ENPP3: variants seen among roughly 807,000 people sequenced by gnomAD.
ENPP3 encodes ectonucleotide pyrophosphatase/phosphodiesterase 3.
A neutral mutation model predicts 117.8 loss-of-function variants in ENPP3; 104 were observed. The observed-to-expected ratio is 0.88, with a 90% CI of 0.75 to 1.04. The LOEUF is 1.04. ENPP3 is among the 50% of genes least tolerant of loss of function. The pLI is 0.00. For synonymous variants in ENPP3, 380 were observed against 349.9 expected (o/e 1.09, Z -0.96); for missense variants, 1,026 against 1,051.9 (o/e 0.98, Z 0.34).
At chr6:131,688,118 C>G (rs1376142273) in intron 14 of ENPP3, among the ~76,000 whole-genome samples, 3 of 152,096 alleles carry the variant, frequency 2.0e-5, no homozygotes, top group Non-Finnish European at 4.4e-5. Context: ...TATATGTGCT[C>G]TGGTGATATG....
chr6:131,651,808 TTC>T (rs1272044825), intron 3 of ENPP3, among the ~76,000 whole-genome samples: 1 of 152,170 alleles, frequency 6.6e-6, no homozygotes, highest in African/African-American at 2.4e-5. Flanking sequence ...TCCAAAAATC[TTC>T]TGTTTCTATG....
At chr6:131,734,272 T>TTTGTTG (rs956264655) in intron 21 of ENPP3, among the ~76,000 whole-genome samples, 15 of 152,032 alleles carry the variant, frequency 9.9e-5, no homozygotes, top group African/African-American at 2.7e-4. Flanking sequence ...AATTTAAGTT[T>TTTGTTG]TTGTTGTTGT....
chr6:131,640,803 A>G (rs1281773156), intron 1 of ENPP3, among the ~76,000 whole-genome samples: 2 of 152,178 alleles, frequency 1.3e-5, no homozygotes, highest in East Asian at 1.9e-4. Context: ...TAATTATATC[A>G]TAGTTTAATC....
chr6:131,648,229 G>T (rs1232936917), intron 2 of ENPP3, among the ~76,000 whole-genome samples: 1 of 151,366 alleles, frequency 6.6e-6, no homozygotes, highest in Non-Finnish European at 1.5e-5. Context: ...GAATTCAGGA[G>T]ATCTAATGCT....
Position 131,718,733 on chromosome 6 carries a change from A to G in ENPP3, c.1474A>G (p.Met492Val), listed in dbSNP as rs1779951091. 1.9e-6 allele frequency: 3 copies of G among 1,595,148 alleles called. No homozygotes were observed. Among genetic ancestry groups the G allele is most frequent in the Non-Finnish European group, 2.6e-6 (3 of 1,168,172 alleles). The change falls in exon 16 of 25, where the codon ATG becomes GTG. Residue 492 changes from methionine to valine, a missense_variant. Coordinates refer to ENST00000357639, the MANE Select transcript of ENPP3 (RefSeq NM_005021.5). ...TGGTTATAACAATGAGTTTAGGAGC[A>G]TGGAGGTAACTTACTGCTTTTTTTT... Reference protein sequence around the residue: ...NHGYNNEFRSMEAIFLAHGPS... With the variant: ...NHGYNNEFRSVEAIFLAHGPS...
chr6:131,649,245 C>T (rs1778212605), intron 2 of ENPP3, among the ~76,000 whole-genome samples: 1 of 152,074 alleles, frequency 6.6e-6, no homozygotes. Flanking sequence ...TCCAGAGTGA[C>T]TTTCTAAAAC....
intron 2 of ENPP3, among the ~76,000 whole-genome samples, chr6:131,645,927 C>CT (rs1778144204): frequency 6.6e-6 from 1 of 152,122 alleles, no homozygotes; most frequent in Non-Finnish European, 1.5e-5. Flanking sequence ...CTCTTCAATT[C>CT]TGGGAAATTT....
chr6:131,671,117 C>T, intron 6 of ENPP3, 131 bp from the exon 7 acceptor site: 1 of 643,576 alleles, frequency 1.6e-6, no homozygotes, highest in Non-Finnish European at 2.8e-6. Context: ...GAATTTCAAC[C>T]TCTTTCCATC....
intron 11 of ENPP3, among the ~76,000 whole-genome samples, chr6:131,679,019 T>TC (rs1562446828): frequency 3.9e-5 from 4 of 102,202 alleles, no homozygotes; most frequent in South Asian, 3.3e-4. Flanking sequence ...CCTTCCTTCC[T>TC]TCCTTCCTTC....
At chr6:131,742,593 T>A (rs1780550215) in intron 24 of ENPP3, among the ~76,000 whole-genome samples, 4 of 152,124 alleles carry the variant, frequency 2.6e-5, no homozygotes, top group Admixed American at 2.6e-4. Flanking sequence ...CTTCTGATTA[T>A]CCTGAACAAC....
chr6:131,693,011 T>C (rs1017877296), intron 14 of ENPP3, among the ~76,000 whole-genome samples: 1 of 144,200 alleles, frequency 6.9e-6, no homozygotes, highest in African/African-American at 2.5e-5. Flanking sequence ...TTATATATAA[T>C]ATATATGGTT....
chr6:131,735,967 A>G (rs904917999), intron 21 of ENPP3, among the ~76,000 whole-genome samples: 1 of 152,244 alleles, frequency 6.6e-6, no homozygotes, highest in African/African-American at 2.4e-5. Context: ...AGTAGATTTC[A>G]TGTTAAGTGT....
intron 21 of ENPP3, among the ~76,000 whole-genome samples, chr6:131,735,674 G>A (rs1780381574): frequency 6.6e-6 from 1 of 152,104 alleles, no homozygotes; most frequent in African/African-American, 2.4e-5. Context: ...TCATATAAGT[G>A]GAATTGTGCA....
At chr6:131,663,980 C>G (rs1778563133) in intron 6 of ENPP3, among the ~76,000 whole-genome samples, 1 of 152,140 alleles carries the variant, frequency 6.6e-6, no homozygotes, top group Non-Finnish European at 1.5e-5. Context: ...ATCCTCCCAC[C>G]TTGGCCTTCC....
At chr6:131,677,752 G>T in intron 10 of ENPP3, 116 bp from the exon 11 acceptor site, 2 of 659,442 alleles carry the variant, frequency 3.0e-6, no homozygotes, top group Non-Finnish European at 5.4e-6. Context: ...GGAGGAGGAG[G>T]TTAGAGAGAA....
In ENPP3 at chr6:131,683,055, T is replaced by C. The variant is rs772636361; in HGVS notation, c.1013T>C (p.Val338Ala). The change falls in exon 12 of 25, where the codon GTA (valine) becomes GCA (alanine). Residue 338 changes from valine (V) to alanine (A), a missense_variant and splice_region_variant. By Grantham distance (64) the Val-to-Ala change is moderately conservative. Coordinates refer to ENST00000357639, the MANE Select transcript of ENPP3 (RefSeq NM_005021.5). ...GHAGGPVSAR[V>A]IKALQVVDHA... ...TCTTAACTCCAAATTATTTTTCAGG[T>C]AATTAAAGCCTTACAGGTAGTAGAT... The C allele has an allele frequency of 3.8e-6, 6 of 1,581,066 alleles. No individual in the cohort carries two copies. Among genetic ancestry groups the C allele is most frequent in the African/African-American group, 1.3e-5 (1 of 74,204 alleles).
intron 2 of ENPP3, among the ~76,000 whole-genome samples, chr6:131,644,677 G>A (rs560112091): frequency 9.8e-5 from 15 of 152,296 alleles, no homozygotes; most frequent in Middle Eastern, 6.8e-3. Context: ...ATGTCCAAGC[G>A]CAGAAGTCAA....
chr6:131,729,546 GA>G (rs2114550157), intron 20 of ENPP3, among the ~76,000 whole-genome samples: 2 of 152,266 alleles, frequency 1.3e-5, no homozygotes, highest in East Asian at 3.9e-4. Context: ...CTGAGTGTCT[GA>G]ATTATATTTA....
intron 11 of ENPP3, among the ~76,000 whole-genome samples, chr6:131,678,958 T>TTCTTTCC (rs1778942861): frequency 1.2e-5 from 1 of 82,928 alleles, no homozygotes; most frequent in Non-Finnish European, 2.2e-5. Context: ...TCTTTCTTTC[T>TTCTTTCC]TTCCTTCCTT....
Sources: allele counts gnomAD v4.1 joint callset (sites outside exome capture counted in the v4.1 genomes callset), GRCh38; gene constraint gnomAD v4.1.1; transcripts MANE v1.5; gene names NCBI Gene and HGNC (gene_info 2026-07-23, HGNC 2026-07-21).